The following ZC3H13 variants were observed in gnomAD, a reference collection of about 807,000 sequenced individuals.
ZC3H13 encodes zinc finger CCCH domain-containing protein 13.
A neutral mutation model predicts 204.1 loss-of-function variants in ZC3H13; 64 were observed. The ratio of observed to expected loss-of-function variants is 0.31; its 90% CI spans 0.26 to 0.39. ZC3H13 has a LOEUF of 0.39. Ranked by LOEUF, ZC3H13 falls within the 10% of genes least tolerant of loss-of-function variation. The probability of loss-of-function intolerance (pLI) is 1.00; values close to 1 mark genes in which losing one functional copy is unlikely to be tolerated. For synonymous variants in ZC3H13, 667 were observed against 693.7 expected (o/e 0.96, Z 0.60); for missense variants, 1,833 against 2,082.7 (o/e 0.88, Z 2.33).
rs1336896849 is a variant in ZC3H13, at chr13:45,959,523, C to T, written c.4799G>A (p.Arg1600Gln). Reference sequence around the variant, plus strand: ...AAGCTGCTTTCGAATTGCAGAATCCCGTCTGAAGCACAACGCCTTACAACA... The same window carrying T: ...AAGCTGCTTTCGAATTGCAGAATCCTGTCTGAAGCACAACGCCTTACAACA... ...GPCCKALCFR[R>Q]DSAIRKQLVK... is the part of the protein sequence containing the mutation. The change falls in exon 18 of 19, where the codon CGG becomes CAG. Residue 1600 changes from arginine to glutamine, a missense_variant. Around this residue, in one of 5 missense-constraint regions of ZC3H13, gnomAD observed 211 missense variants for 228.4 expected, o/e 0.92. Transcript: ENST00000679008. 24 of 1,544,606 alleles carry T rather than the reference C, an allele frequency of 1.6e-5. No individual in the cohort carries two copies. Among genetic ancestry groups the T allele is most frequent in the East Asian group, 4.9e-5 (2 of 40,496 alleles).
chr13:46,025,044 T>C (rs1344915768), intron 4 of ZC3H13, among the ~76,000 whole-genome samples: 1 of 152,226 alleles, frequency 6.6e-6, no homozygotes, highest in Non-Finnish European at 1.5e-5. Flanking sequence ...GAAGTTAATA[T>C]ACAAAAATTA....
chr13:46,004,100 T>G (rs187373612), intron 7 of ZC3H13, among the ~76,000 whole-genome samples: 1 of 151,984 alleles, frequency 6.6e-6, no homozygotes, highest in Non-Finnish European at 1.5e-5. Context: ...TATATATATA[T>G]AGTCACAACT....
intron 4 of ZC3H13, among the ~76,000 whole-genome samples, chr13:46,034,938 C>T (rs1235843790): frequency 5.3e-5 from 8 of 152,078 alleles, no homozygotes; most frequent in Admixed American, 2.0e-4. Context: ...TTAGTATACA[C>T]GCATATATTT....
chr13:45,959,377 C>T, intron 18 of ZC3H13, 106 bp downstream of exon 18: 1 of 1,175,312 alleles, frequency 8.5e-7, no homozygotes, highest in Non-Finnish European at 1.1e-6. Context: ...ATTAGGAAAC[C>T]AAACTCATAA....
rs199537193 is a variant in ZC3H13, at chr13:46,003,281, G to T, written c.802C>A (p.Pro268Thr). 76 of 1,612,660 alleles carry T rather than the reference G, an allele frequency of 4.7e-5. No homozygotes were observed. The highest frequency in any genetic ancestry group is 8.4e-5 in the Admixed American group (5 of 59,814). ...KKGPRTPSPP[P>T]PIPEDIALGK... ...AGAGCGATATCTTCTGGTATAGGAG[G>T]GGGTGGACTAGGAGTACGTGGTCCT... The change falls in exon 8 of 19, where the codon CCT becomes ACT. Residue 268 changes from proline (P) to threonine (T), a missense_variant. Transcript: ENST00000679008.
chr13:46,052,637 G>C lies in ZC3H13; in HGVS notation c.-243C>G. 2.5e-6 allele frequency: 1 copy of C among 398,708 alleles called. No homozygotes were observed. 24.7% of individuals were successfully genotyped at this position (398,708 alleles called of 1,614,324 possible). ...GCCTCTCCAGGGTCAAGCGAAACTG[G>C]GTCGCAGGAAGAAAAATAACGAAGA... On this transcript the variant is annotated 5_prime_UTR_variant, in exon 1 of 19. Transcript: ENST00000679008.
rs1458057233 is a variant in ZC3H13 at position 45,969,126 on chromosome 13, A to C, written c.3418T>G (p.Ser1140Ala). ...FSTSAITIST[S>A]ATPTNTTNNT... ...TTGGTGGTATTGGTGGGGGTGGCAGAGGTGGAAATAGTGATGGCAGATGTG... is the reference window on the plus strand; with the variant it reads ...TTGGTGGTATTGGTGGGGGTGGCAGCGGTGGAAATAGTGATGGCAGATGTG... The change falls in exon 14 of 19, where the codon TCT (serine) becomes GCT (alanine). Residue 1140 changes from serine (S) to alanine (A), a missense_variant. This residue lies in a region of ZC3H13 where 1,574 missense variants were observed against 1,757.2 expected (regional missense o/e 0.90). Transcript: ENST00000679008. The C allele has an allele frequency of 1.4e-5, 23 of 1,614,070 alleles. No individual in the cohort carries two copies. Among genetic ancestry groups the C allele is most frequent in the Non-Finnish European group, 1.8e-5 (21 of 1,180,002 alleles).
chr13:46,005,659 T>G (rs539803540), intron 7 of ZC3H13, among the ~76,000 whole-genome samples: 1 of 152,174 alleles, frequency 6.6e-6, no homozygotes, highest in South Asian at 2.1e-4. Flanking sequence ...CTGGCTAAAT[T>G]TCATATTTTT....
chr13:46,022,872 T>A (rs1487119692), intron 4 of ZC3H13, among the ~76,000 whole-genome samples: 8 of 151,272 alleles, frequency 5.3e-5, no homozygotes, highest in Admixed American at 4.6e-4. Context: ...TTTATTTCAA[T>A]TAAGACCAGG....
intron 7 of ZC3H13, among the ~76,000 whole-genome samples, chr13:46,009,494 T>C (rs2041391796): frequency 1.3e-5 from 2 of 152,048 alleles, no homozygotes; most frequent in Non-Finnish European, 2.9e-5. Context: ...GAGTCTGAAA[T>C]AGGGTTAGTT....
rs547104693 is a variant in ZC3H13, at chr13:46,049,979, A to T, written c.-10+2425T>A. ...AAGTTGCCATCACACTTCCACCCAC[A>T]TCATCAAGTCTTTCTCAAACACGAG... On this transcript the variant is annotated intron_variant, in intron 1 of 18. Coordinates refer to ENST00000679008, the MANE Select transcript of ZC3H13 (RefSeq NM_001330564.2). Among the ~76,000 whole-genome samples the T allele has an allele frequency of 2.6e-5, 4 of 152,250 alleles. No homozygotes were observed. The South Asian group carries it at 8.3e-4, about 32-fold the overall frequency.
In ZC3H13 at chr13:45,955,682, T is replaced by C. The variant is rs1951239871; in HGVS notation, c.*1445A>G. ...TCTCTGAGGTCATACATTTTTTTTT[T>C]CTTTATTCAAAACACTTAGTAAAGG... On this transcript the variant is annotated 3_prime_UTR_variant, in exon 19 of 19. Coordinates refer to ENST00000679008, the MANE Select transcript of ZC3H13 (RefSeq NM_001330564.2). The C allele has an allele frequency of 6.6e-6, 1 of 152,104 alleles. No homozygotes were observed. 9.4% of individuals were successfully genotyped at this position (152,104 alleles called of 1,614,324 possible). A position where few individuals can be genotyped will look rare whatever the true frequency, so the allele number is the denominator to read the frequency against.
At chr13:46,017,867 G>A (rs2042004997) in intron 5 of ZC3H13, among the ~76,000 whole-genome samples, 1 of 152,030 alleles carries the variant, frequency 6.6e-6, no homozygotes, top group South Asian at 2.1e-4. Context: ...TCAAATCACA[G>A]AGATACACAA....
At chr13:46,037,436 T>C (rs2043279484) in intron 4 of ZC3H13, among the ~76,000 whole-genome samples, 1 of 152,238 alleles carries the variant, frequency 6.6e-6, no homozygotes, top group South Asian at 2.1e-4. Flanking sequence ...ACAGCACCTG[T>C]ATGTCTCCGT....
chr13:45,976,124 C>T, intron 11 of ZC3H13: 1 of 967,572 alleles, frequency 1.0e-6, no homozygotes, highest in Non-Finnish European at 1.2e-6. Context: ...CTGCATGCTC[C>T]CTACCCTACC....
At chr13:46,047,506 G>T (rs1484855248) in intron 1 of ZC3H13, among the ~76,000 whole-genome samples, 1 of 152,140 alleles carries the variant, frequency 6.6e-6, no homozygotes, top group Non-Finnish European at 1.5e-5. Flanking sequence ...GATAATCTTT[G>T]ATTTAATTTT....
intron 7 of ZC3H13, among the ~76,000 whole-genome samples, chr13:46,005,279 A>T (rs7995256): frequency 0.75 from 114,071 of 152,142 alleles, 43,254 homozygotes; most frequent in African/African-American, 0.85. Context: ...TTTCATTTCA[A>T]AACTTTTCCT....
chr13:46,012,211 G>A (rs2041611793), intron 5 of ZC3H13, among the ~76,000 whole-genome samples: 1 of 152,044 alleles, frequency 6.6e-6, no homozygotes, highest in South Asian at 2.1e-4. Context: ...TATATTTTCT[G>A]ATGAAAAGCT....
chr13:46,031,719 A>C (rs2042911433), intron 4 of ZC3H13, among the ~76,000 whole-genome samples: 1 of 152,210 alleles, frequency 6.6e-6, no homozygotes, highest in African/African-American at 2.4e-5. Flanking sequence ...AAGTAAAACC[A>C]CAAAGAGATA....
Sources: gnomAD v4.1 joint callset for allele counts (sites outside exome capture counted in the v4.1 genomes callset) on GRCh38, gnomAD v4.1.1 for gene constraint, gnomAD v4.1.1 regional missense constraint, MANE v1.5 for transcripts, NCBI Gene and HGNC (gene_info 2026-07-23, HGNC 2026-07-21) for gene names.